SPAG16: variants seen among roughly 807,000 people sequenced by gnomAD.
The protein encoded by SPAG16 is sperm-associated antigen 16 protein.
Under a neutral mutation model 80.4 loss-of-function variants are expected in SPAG16, and 86 were observed. That is an observed-to-expected ratio of 1.07 (90% confidence interval 0.90 to 1.28). The LOEUF is 1.28. Among genes scored for constraint, SPAG16 ranks in the 50% most tolerant of loss-of-function variants. The pLI, the probability that SPAG16 is intolerant of heterozygous loss-of-function variation, is 0.00. For missense variants in SPAG16, 870 were observed against 765.3 expected, an observed-to-expected ratio of 1.14 and a Z score of -1.61; for synonymous variants, 294 against 265.9, an observed-to-expected ratio of 1.11 and a Z score of -1.03.
intron 14 of SPAG16, among the ~76,000 whole-genome samples, chr2:214,141,310 T>TA (rs1179331712): frequency 6.6e-6 from 1 of 151,616 alleles, no homozygotes; most frequent in Non-Finnish European, 1.5e-5. Flanking sequence ...CTACTAAAAA[T>TA]ACAAAAATTA....
intron 15 of SPAG16, among the ~76,000 whole-genome samples, chr2:214,367,235 G>C (rs1404207374): frequency 1.3e-5 from 2 of 152,170 alleles, no homozygotes; most frequent in Non-Finnish European, 2.9e-5. Flanking sequence ...CAAACGGCTA[G>C]ACTCTCAAGA....
intron 9 of SPAG16, among the ~76,000 whole-genome samples, chr2:213,486,547 G>C (rs1447651797): frequency 6.6e-6 from 1 of 152,100 alleles, no homozygotes; most frequent in Non-Finnish European, 1.5e-5. Context: ...GGAACTGAAA[G>C]TTATTATGTT....
intron 6 of SPAG16, among the ~76,000 whole-genome samples, chr2:213,349,473 G>T (rs1051009850): frequency 1.3e-5 from 2 of 152,114 alleles, no homozygotes; most frequent in African/African-American, 2.4e-5. Flanking sequence ...ATAATGTAGG[G>T]TACCCAGGAC....
chr2:213,912,478 T>A (rs1247747531), intron 11 of SPAG16, among the ~76,000 whole-genome samples: 2 of 152,216 alleles, frequency 1.3e-5, no homozygotes, highest in African/African-American at 4.8e-5. Context: ...ATTATTTTTG[T>A]AAATTATATG....
chr2:213,905,247 A>G (rs2077386898), intron 11 of SPAG16, among the ~76,000 whole-genome samples: 2 of 152,014 alleles, frequency 1.3e-5, no homozygotes, highest in Admixed American at 6.6e-5. Context: ...CATCTATCCA[A>G]AAAAAAATTA....
intron 9 of SPAG16, among the ~76,000 whole-genome samples, chr2:213,438,310 C>G (rs1028447878): frequency 1.3e-5 from 2 of 152,144 alleles, no homozygotes; most frequent in Admixed American, 1.3e-4. Context: ...TTGAAATAGA[C>G]AACAATGGCC....
chr2:213,898,054 G>A (rs534688843), intron 11 of SPAG16, among the ~76,000 whole-genome samples: 2 of 152,200 alleles, frequency 1.3e-5, no homozygotes, highest in African/African-American at 4.8e-5. Context: ...TTGGCAAACG[G>A]CCTTAGTTTG....
At chr2:214,347,551 G>C (rs1413582544) in intron 15 of SPAG16, among the ~76,000 whole-genome samples, 1 of 152,126 alleles carries the variant, frequency 6.6e-6, no homozygotes, top group African/African-American at 2.4e-5. Context: ...GCGCCTCATA[G>C]ATCACCTCAG....
intron 15 of SPAG16, among the ~76,000 whole-genome samples, chr2:214,325,403 G>T (rs916129018): frequency 2.8e-4 from 42 of 152,172 alleles, no homozygotes; most frequent in Admixed American, 1.6e-3. Flanking sequence ...TAGCCTGTCA[G>T]CCAAGGCATT....
intron 10 of SPAG16, among the ~76,000 whole-genome samples, chr2:213,686,212 C>T (rs113182413): frequency 5.0e-4 from 76 of 152,196 alleles, no homozygotes; most frequent in African/African-American, 1.6e-3. Flanking sequence ...TCTGCCTCCC[C>T]GGTTCAAGTG....
chr2:213,820,459 G>A (rs188977781), intron 10 of SPAG16, among the ~76,000 whole-genome samples: 1 of 152,122 alleles, frequency 6.6e-6, no homozygotes, highest in East Asian at 1.9e-4. Flanking sequence ...AATTAGGACT[G>A]GGGTGATTTT....
chr2:214,280,717 AT>A, intron 15 of SPAG16: 2 of 369,690 alleles, frequency 5.4e-6, no homozygotes, highest in Admixed American at 3.0e-5. Flanking sequence ...AGCAAGGGAC[AT>A]TTTGGGATGG....
chr2:214,391,167 A>G (rs1701060166), intron 15 of SPAG16, among the ~76,000 whole-genome samples: 1 of 152,150 alleles, frequency 6.6e-6, no homozygotes, highest in Admixed American at 6.5e-5. Context: ...CCTACTACTT[A>G]CTAGTTTTAT....
chr2:214,033,926 C>A (rs115655395), intron 13 of SPAG16, among the ~76,000 whole-genome samples: 1 of 152,286 alleles, frequency 6.6e-6, no homozygotes, highest in African/African-American at 2.4e-5. Flanking sequence ...TGTTAACCTG[C>A]CCCAATAGTG....
intron 15 of SPAG16, among the ~76,000 whole-genome samples, chr2:214,243,556 A>G (rs1170674273): frequency 6.6e-6 from 1 of 152,018 alleles, no homozygotes; most frequent in Non-Finnish European, 1.5e-5. Context: ...ATTCACATAA[A>G]AGGTTATAAT....
rs533601945 is a variant in SPAG16 at position 214,260,357 on chromosome 2, A to AT, written c.1720+111103dup. On this transcript the variant is annotated intron_variant, in intron 15 of 15. Transcript: ENST00000331683. ...AGAGCTCCCAGAAAAAGAATATCTA[A>AT]TTTTTTTTTTTTCTTTTCATTGTAA... 1.3e-3 allele frequency among the ~76,000 whole-genome samples: 184 copies of AT among 146,912 alleles called. 1 individual carries two copies. The highest frequency in any genetic ancestry group is 7.7e-3 in the East Asian group (39 of 5,046).
intron 9 of SPAG16, among the ~76,000 whole-genome samples, chr2:213,379,981 T>C (rs1440742482): frequency 6.6e-6 from 1 of 152,152 alleles, no homozygotes; most frequent in African/African-American, 2.4e-5. Flanking sequence ...AGGTCATCAG[T>C]TGGTGAGCAC....
At chr2:214,017,800 A>G (rs1033889085) in intron 13 of SPAG16, among the ~76,000 whole-genome samples, 7 of 152,218 alleles carry the variant, frequency 4.6e-5, no homozygotes, top group African/African-American at 1.7e-4. Context: ...ATCAACATAA[A>G]TATTTTTAAG....
chr2:213,519,074 G>A (rs768053251), intron 10 of SPAG16, among the ~76,000 whole-genome samples: 1 of 152,116 alleles, frequency 6.6e-6, no homozygotes, highest in Non-Finnish European at 1.5e-5. Flanking sequence ...CTACCGGTGG[G>A]GGGTTAGGTC....
Sources: allele counts gnomAD v4.1 joint callset (sites outside exome capture counted in the v4.1 genomes callset), GRCh38; gene constraint gnomAD v4.1.1; transcripts MANE v1.5; gene names NCBI Gene and HGNC (gene_info 2026-07-23, HGNC 2026-07-21).